The following TNNT1 variants were observed in gnomAD, a reference collection of about 807,000 sequenced individuals.
TNNT1 encodes the protein troponin T, slow skeletal muscle.
A neutral mutation model predicts 50.6 loss-of-function variants in TNNT1; 53 were observed. The ratio of observed to expected loss-of-function variants is 1.05; its 90% CI spans 0.84 to 1.32. The LOEUF is 1.32. Among genes scored for constraint, TNNT1 ranks in the 40% most tolerant of loss-of-function variants. The pLI, the probability that TNNT1 is intolerant of heterozygous loss-of-function variation, is 0.00. For missense variants in TNNT1, 348 were observed against 381.7 expected (o/e 0.91, Z 0.74); for synonymous variants, 142 against 138.0 (o/e 1.03, Z -0.20).
chr19:55,136,469 G>A (rs948717187), intron 11 of TNNT1, among the ~76,000 whole-genome samples: 1 of 152,308 alleles, frequency 6.6e-6, no homozygotes, highest in Middle Eastern at 3.4e-3. Context: ...TGCCAATGAG[G>A]AATGGGAGCC....
rs1053714369 is a variant in TNNT1 at position 55,134,517 on chromosome 19, C to G, written c.612-313G>C. Among the ~76,000 whole-genome samples, 169 of 149,090 alleles carry G rather than the reference C, an allele frequency of 1.1e-3. 1 individual carries two copies. The highest frequency in any genetic ancestry group is 4.1e-3 in the African/African-American group (164 of 40,092). ...CCTGGGCAACAAAGAGAGACCCCGTCTCTGCTAAAAATAATTAAAAAAATT... is the reference window on the plus strand; with the variant it reads ...CCTGGGCAACAAAGAGAGACCCCGTGTCTGCTAAAAATAATTAAAAAAATT... On this transcript the variant is annotated intron_variant, in intron 11 of 13. Coordinates refer to ENST00000588981, the MANE Select transcript of TNNT1 (RefSeq NM_003283.6).
At chr19:55,142,043 C>T (rs887619533) in intron 6 of TNNT1, 123 bp from the exon 7 acceptor site, 2 of 905,978 alleles carry the variant, frequency 2.2e-6, no homozygotes, top group Admixed American at 1.8e-5. Flanking sequence ...CGTGGAGGGT[C>T]CCAGCTGAGG....
In TNNT1 at chr19:55,145,523, C is replaced by T. The variant is rs750943762; in HGVS notation, c.128+21G>A. ...TTTAGGAAGATGTATGACTGGGGCC[C>T]CCCACCCTGTAGGATCTCACCTTGG... On this transcript the variant is annotated intron_variant, in intron 6 of 13. Coordinates refer to ENST00000588981, the MANE Select transcript of TNNT1 (RefSeq NM_003283.6). The T allele has an allele frequency of 6.8e-6, 11 of 1,613,266 alleles. No homozygotes were observed. The South Asian group carries it at 8.8e-5, about 13-fold the overall frequency.
intron 4 of TNNT1, 48 bp from the exon 5 acceptor site, chr19:55,146,514 A>G (rs1239433881): frequency 7.0e-6 from 8 of 1,138,142 alleles, no homozygotes; most frequent in Non-Finnish European, 9.1e-6. Context: ...GCGAGGGGGG[A>G]GCGGCCACGC....
intron 11 of TNNT1, 94 bp downstream of exon 11, chr19:55,137,009 C>A: frequency 1.3e-6 from 1 of 783,878 alleles, no homozygotes. Flanking sequence ...AGCTGAGACC[C>A]GGAGTATCTG....
At position 55,134,182 on chromosome 19, in the gene TNNT1, G is replaced by A. The variant is rs756034466; in HGVS notation, c.634C>T (p.Pro212Ser). 2 of 1,585,210 alleles carry A rather than the reference G, an allele frequency of 1.3e-6. No homozygotes were observed. The highest frequency in any genetic ancestry group is 1.1e-5 in the South Asian group (1 of 87,054). Reference sequence around the variant, plus strand: ...CTGGCAGGGCAGGAGGGCTGTGATGGAGGCAGCCAGGCAGACCGGGCCCTA... The same window carrying A: ...CTGGCAGGGCAGGAGGGCTGTGATGAAGGCAGCCAGGCAGACCGGGCCCTA... Reference protein sequence around the residue: ...QLRARSAWLPPSQPSCPAREK... With the variant: ...QLRARSAWLPSSQPSCPAREK... Residue 212 changes from proline to serine, a missense_variant, in exon 12 of 14, where the codon CCA becomes TCA. This residue lies in a region of TNNT1 where 253 missense variants were observed against 291.8 expected (regional missense o/e 0.87). Coordinates refer to ENST00000588981, the MANE Select transcript of TNNT1 (RefSeq NM_003283.6).
intron 1 of TNNT1, among the ~76,000 whole-genome samples, chr19:55,147,626 C>T (rs1260313908): frequency 2.0e-5 from 1 of 49,346 alleles, no homozygotes; most frequent in Non-Finnish European, 4.0e-5. Flanking sequence ...GTGTGGACTC[C>T]TGAGACTGAG....
In TNNT1 at chr19:55,146,724, A is replaced by T; in HGVS notation, c.47-17T>A. ...CAGCCTCCTCTGGAGATGGGGGCAC[A>T]GAAGAGAAGGCGTTAGGAGCTGGGG... On this transcript the variant is annotated splice_polypyrimidine_tract_variant and intron_variant, in intron 3 of 13. Coordinates refer to ENST00000588981, the MANE Select transcript of TNNT1 (RefSeq NM_003283.6). 1 of 1,498,626 alleles carries T rather than the reference A, an allele frequency of 6.7e-7. No homozygotes were observed. The highest frequency in any genetic ancestry group is 8.9e-7 in the Non-Finnish European group (1 of 1,122,634). 92.8% of individuals were successfully genotyped at this position (1,498,626 alleles called of 1,614,324 possible). A position where few individuals can be genotyped will look rare whatever the true frequency, so the allele number is the denominator to read the frequency against.
intron 1 of TNNT1, among the ~76,000 whole-genome samples, chr19:55,147,552 A>AG: frequency 1.6e-4 from 1 of 6,124 alleles, no homozygotes; most frequent in African/African-American, 9.0e-4. Flanking sequence ...CTGAGGGAGG[A>AG]GGGGCTGGGG....
At chr19:55,138,734 C>T (rs1355813721) in intron 9 of TNNT1, among the ~76,000 whole-genome samples, 1 of 152,192 alleles carries the variant, frequency 6.6e-6, no homozygotes, top group African/African-American at 2.4e-5. Context: ...GCCACAGTCG[C>T]CCTTAGTCTC....
chr19:55,142,775 C>T (rs1329843411), intron 6 of TNNT1, among the ~76,000 whole-genome samples: 39 of 151,644 alleles, frequency 2.6e-4, no homozygotes, highest in Admixed American at 1.8e-3. Context: ...CTTGAACTCC[C>T]GACCTCAGGC....
intron 1 of TNNT1, among the ~76,000 whole-genome samples, chr19:55,147,677 T>A (rs527315615): frequency 2.5e-5 from 1 of 39,402 alleles, no homozygotes; most frequent in Non-Finnish European, 6.0e-5. Flanking sequence ...GAGGAGGGGC[T>A]GGGGTCTGGA....
chr19:55,147,688 CTCCTGG>C lies in TNNT1; in HGVS notation c.-11-526_-11-521del, dbSNP rs1189618695. ...GAGGGAGGAGGGGCTGGGGTCTGGACTCCTGGATCTGAGGGAGGAGGGGCCAGGGGC... is the reference window on the plus strand; with the variant it reads ...GAGGGAGGAGGGGCTGGGGTCTGGACATCTGAGGGAGGAGGGGCCAGGGGC... On this transcript the variant is annotated intron_variant, in intron 1 of 13. Coordinates refer to ENST00000588981, the MANE Select transcript of TNNT1 (RefSeq NM_003283.6). Among the ~76,000 whole-genome samples, 236 of 67,820 alleles carry C rather than the reference CTCCTGG, an allele frequency of 3.5e-3. 5 individuals are homozygous for C. Among genetic ancestry groups the C allele is most frequent in the African/African-American group, 0.013 (231 of 17,866 alleles). The allele number at this position is 67,820 out of a possible 152,430, so 44.5% of individuals were successfully genotyped here.
intron 5 of TNNT1, among the ~76,000 whole-genome samples, chr19:55,146,020 C>A (rs1399031813): frequency 7.0e-6 from 1 of 143,212 alleles, no homozygotes; most frequent in Non-Finnish European, 1.5e-5. Context: ...ACCTTGGAGA[C>A]CCTGACTCCC....
At position 55,133,930 on chromosome 19, in the gene TNNT1, G is replaced by A. The variant is rs1407565465; in HGVS notation, c.751-3C>T. 5.0e-6 allele frequency: 8 copies of A among 1,613,436 alleles called. No individual in the cohort carries two copies. The highest frequency in any genetic ancestry group is 5.9e-6 in the Non-Finnish European group (7 of 1,180,030). On this transcript the variant is annotated splice_region_variant and splice_polypyrimidine_tract_variant and intron_variant, in intron 12 of 13. Transcript: ENST00000588981. ...ATGCGGTTGTACAGCACGTTGATCT[G>A]CGGAGGCAGAAGACAGATGCTGGGA...
Position 55,145,562 on chromosome 19 carries a change from T to G in TNNT1, c.110A>C (p.Glu37Ala). The change falls in exon 6 of 14, where the codon GAG (glutamate) becomes GCG (alanine). Residue 37 changes from glutamate (E) to alanine (A), a missense_variant. Around this residue, in one of 3 missense-constraint regions of TNNT1, gnomAD observed 90 missense variants for 70.8 expected, o/e 1.27. Coordinates refer to ENST00000588981, the MANE Select transcript of TNNT1 (RefSeq NM_003283.6). ...ATCTCACCTTGGTTTGGGGCGTTCC[T>G]CTTCTGTTGGTGGTGGGGGATAAAA... ...EEPEPVAEPE[E>A]ERPKPSRPVV... 1 of 1,613,314 alleles carries G rather than the reference T, an allele frequency of 6.2e-7. No individual in the cohort carries two copies. The highest frequency in any genetic ancestry group is 8.5e-7 in the Non-Finnish European group (1 of 1,179,680).
At chr19:55,141,134 G>T in intron 8 of TNNT1, 52 bp downstream of exon 8, 1 of 1,531,786 alleles carries the variant, frequency 6.5e-7, no homozygotes, top group South Asian at 1.1e-5. Flanking sequence ...CAAGATGCAA[G>T]GGATCCACAT....
rs372537460 is a variant in TNNT1, at chr19:55,141,171, G to A, written c.309+15C>T. The A allele has an allele frequency of 7.5e-6, 12 of 1,607,896 alleles. No individual in the cohort carries two copies. Among genetic ancestry groups the A allele is most frequent in the Non-Finnish European group, 1.0e-5 (12 of 1,174,430 alleles). ...GAGGGAGGAAGACCGGGGGGAACCCGGACTCTCGGCTCACAATGCGCTCCT... is the reference window on the plus strand; with the variant it reads ...GAGGGAGGAAGACCGGGGGGAACCCAGACTCTCGGCTCACAATGCGCTCCT... On this transcript the variant is annotated intron_variant, in intron 8 of 13. Coordinates refer to ENST00000588981, the MANE Select transcript of TNNT1 (RefSeq NM_003283.6).
intron 6 of TNNT1, 117 bp downstream of exon 6, chr19:55,145,426 TC>T (rs2085530968): frequency 6.7e-6 from 6 of 897,718 alleles, no homozygotes; most frequent in Non-Finnish European, 1.1e-5. Flanking sequence ...AGGAGAAATG[TC>T]GACTGCTGTT....
Sources: gnomAD v4.1 joint callset for allele counts (sites outside exome capture counted in the v4.1 genomes callset) on GRCh38, gnomAD v4.1.1 for gene constraint, gnomAD v4.1.1 regional missense constraint, MANE v1.5 for transcripts, NCBI Gene and HGNC (gene_info 2026-07-23, HGNC 2026-07-21) for gene names.